PAWR: variants seen among roughly 807,000 people sequenced by gnomAD.
PAWR encodes PRKC apoptosis WT1 regulator protein.
A neutral mutation model predicts 32.0 loss-of-function variants in PAWR; 23 were observed. That is an observed-to-expected ratio of 0.72 (90% CI 0.52 to 1.02). The LOEUF is 1.02. PAWR is among the 50% of genes least tolerant of loss of function. The pLI, the probability that PAWR is intolerant of heterozygous loss-of-function variation, is 0.00. For synonymous variants in PAWR, 226 were observed against 187.1 expected (o/e 1.21, Z -1.70); for missense variants, 457 against 437.7 (o/e 1.04, Z -0.39).
chr12:79,613,989 T>A (rs1401644699), intron 3 of PAWR, among the ~76,000 whole-genome samples: 77 of 3,794 alleles, frequency 0.02, no homozygotes, highest in Non-Finnish European at 0.049. Flanking sequence ...ATTTTTTTTT[T>A]TTTTTTTTTT....
chr12:79,601,527 AT>A (rs756422253), intron 4 of PAWR, among the ~76,000 whole-genome samples: 18 of 152,262 alleles, frequency 1.2e-4, no homozygotes, highest in Non-Finnish European at 2.6e-4. Flanking sequence ...TTATGGAAGA[AT>A]TTAAACTAAA....
At chr12:79,654,098 G>C (rs1041055181) in intron 2 of PAWR, among the ~76,000 whole-genome samples, 1 of 152,160 alleles carries the variant, frequency 6.6e-6, no homozygotes, top group Non-Finnish European at 1.5e-5. Flanking sequence ...AAACATGAGA[G>C]AGGAAGATAA....
At position 79,677,022 on chromosome 12, in the gene PAWR, T is replaced by C. The variant is rs571651250; in HGVS notation, c.516+12707A>G. On this transcript the variant is annotated intron_variant, in intron 2 of 6. Coordinates refer to ENST00000328827, the MANE Select transcript of PAWR (RefSeq NM_002583.4). ...AGAATTGTCCTATATAATCTTGTTTTTCTGAGTTAGATTATAAAGTACTCA... is the reference window on the plus strand; with the variant it reads ...AGAATTGTCCTATATAATCTTGTTTCTCTGAGTTAGATTATAAAGTACTCA... 2.0e-5 allele frequency among the ~76,000 whole-genome samples: 3 copies of C among 152,340 alleles called. No homozygotes were observed. In the South Asian group the frequency reaches 6.2e-4, roughly 32 times the overall value.
In PAWR at chr12:79,690,360, G is replaced by A; in HGVS notation, c.-116C>T. On this transcript the variant is annotated 5_prime_UTR_variant, in exon 2 of 7. Transcript: ENST00000328827. Reference sequence around the variant, plus strand: ...GCCAGGAGACGACCTCCAGGAGAGGGACGGCCGCCGCTCCCACAGCAGCCG... The same window carrying A: ...GCCAGGAGACGACCTCCAGGAGAGGAACGGCCGCCGCTCCCACAGCAGCCG... The A allele has an allele frequency of 7.4e-7, 1 of 1,349,240 alleles. No individual in the cohort carries two copies. Among genetic ancestry groups the A allele is most frequent in the Non-Finnish European group, 9.5e-7 (1 of 1,055,094 alleles). 83.6% of individuals were successfully genotyped at this position (1,349,240 alleles called of 1,614,324 possible).
intron 2 of PAWR, among the ~76,000 whole-genome samples, chr12:79,632,935 A>G (rs1407341190): frequency 6.6e-6 from 1 of 151,878 alleles, no homozygotes; most frequent in Admixed American, 6.6e-5. Context: ...GGAGTTCGAG[A>G]CCAGCCTGGC....
intron 2 of PAWR, among the ~76,000 whole-genome samples, chr12:79,687,371 G>GT (rs1565708368): frequency 6.6e-6 from 1 of 152,078 alleles, no homozygotes. Flanking sequence ...CACAATAAAT[G>GT]TATCACACAG....
At position 79,648,039 on chromosome 12, in the gene PAWR, A is replaced by G. The variant is rs138137894; in HGVS notation, c.517-26832T>C. 2.1e-3 allele frequency among the ~76,000 whole-genome samples: 323 copies of G among 152,290 alleles called. 2 individuals carry two copies. Among genetic ancestry groups the G allele is most frequent in the African/African-American group, 7.6e-3 (315 of 41,560 alleles). On this transcript the variant is annotated intron_variant, in intron 2 of 6. Coordinates refer to ENST00000328827, the MANE Select transcript of PAWR (RefSeq NM_002583.4). The stretch of plus-strand genomic sequence containing the variant: ...CTTTGAGAATCTAATGCCCCTGCTG[A>G]TCTGACAGGAGGCAGAGCTCAGGCA...
intron 4 of PAWR, among the ~76,000 whole-genome samples, chr12:79,610,735 TAGAG>T (rs1367383726): frequency 7.3e-6 from 1 of 137,302 alleles, no homozygotes; most frequent in Non-Finnish European, 1.5e-5. Flanking sequence ...CTGGGCAACA[TAGAG>T]AGATTCTGTC....
chr12:79,671,961 G>T (rs917421553), intron 2 of PAWR, among the ~76,000 whole-genome samples: 1 of 152,158 alleles, frequency 6.6e-6, no homozygotes. Flanking sequence ...TGCACGAATA[G>T]CAGTGAAAAG....
At chr12:79,668,941 T>C (rs1047554927) in intron 2 of PAWR, among the ~76,000 whole-genome samples, 6 of 152,196 alleles carry the variant, frequency 3.9e-5, no homozygotes, top group African/African-American at 7.2e-5. Flanking sequence ...AATACAAACA[T>C]ATTTACACAC....
At chr12:79,688,795 A>G (rs1878814507) in intron 2 of PAWR, among the ~76,000 whole-genome samples, 2 of 152,250 alleles carry the variant, frequency 1.3e-5, no homozygotes, top group South Asian at 2.1e-4. Flanking sequence ...TAAACAGTCA[A>G]TGAGAAAAAG....
chr12:79,689,965 C>G lies in PAWR; in HGVS notation c.280G>C (p.Gly94Arg), dbSNP rs1878905015. Reference sequence around the variant, plus strand: ...GCCGCCCGCGTCAGCATGGCGGAGCCGACCGCGCAGTTCACGCCCCCGGGA... The same window carrying G: ...GCCGCCCGCGTCAGCATGGCGGAGCGGACCGCGCAGTTCACGCCCCCGGGA... ...PGPGGVNCAV[G>R]SAMLTRAAPG... The change falls in exon 2 of 7, where the codon GGC becomes CGC. Residue 94 changes from glycine (G) to arginine (R), a missense_variant. Coordinates refer to ENST00000328827, the MANE Select transcript of PAWR (RefSeq NM_002583.4). 2 of 1,373,552 alleles carry G rather than the reference C, an allele frequency of 1.5e-6. No individual in the cohort carries two copies. Among genetic ancestry groups the G allele is most frequent in the Middle Eastern group, 2.6e-4 (1 of 3,864 alleles). The allele number at this position is 1,373,552 out of a possible 1,614,324, so 85.1% of individuals were successfully genotyped here. A position where few individuals can be genotyped will look rare whatever the true frequency, so the allele number is the denominator to read the frequency against.
Position 79,585,209 on chromosome 12 carries a change from CA to C in PAWR, c.*7397del. 2.3e-6 allele frequency: 1 copy of C among 442,138 alleles called. No homozygotes were observed. The highest frequency in any genetic ancestry group is 4.5e-6 in the Non-Finnish European group (1 of 222,652). 27.4% of individuals were successfully genotyped at this position (442,138 alleles called of 1,614,324 possible). The stretch of plus-strand genomic sequence containing the variant: ...AAGTTCATGTTATTTCTACAATGTC[CA>C]AAAAGAAAGACCAAGATCTTTGCTT... On this transcript the variant is annotated 3_prime_UTR_variant, in exon 7 of 7. Coordinates refer to ENST00000328827, the MANE Select transcript of PAWR (RefSeq NM_002583.4).
At chr12:79,656,617 G>C (rs1877107374) in intron 2 of PAWR, among the ~76,000 whole-genome samples, 1 of 152,146 alleles carries the variant, frequency 6.6e-6, no homozygotes, top group Admixed American at 6.5e-5. Flanking sequence ...CCAATAGGCA[G>C]ACTAGCACAC....
intron 4 of PAWR, among the ~76,000 whole-genome samples, chr12:79,600,208 T>C (rs954588225): frequency 6.6e-6 from 1 of 152,176 alleles, no homozygotes; most frequent in Admixed American, 6.5e-5. Flanking sequence ...TTGTCATCAT[T>C]TGGTTTACTA....
intron 4 of PAWR, among the ~76,000 whole-genome samples, chr12:79,601,564 C>G (rs544333887): frequency 6.6e-6 from 1 of 152,200 alleles, no homozygotes; most frequent in African/African-American, 2.4e-5. Flanking sequence ...TTCATAATTA[C>G]ATACCCATGT....
chr12:79,613,046 C>T (rs915724421), intron 4 of PAWR, among the ~76,000 whole-genome samples: 12 of 152,120 alleles, frequency 7.9e-5, no homozygotes, highest in African/African-American at 2.9e-4. Flanking sequence ...GCGATTAGTT[C>T]CTTTATAAAG....
chr12:79,670,996 G>C (rs758384644), intron 2 of PAWR, among the ~76,000 whole-genome samples: 1 of 150,368 alleles, frequency 6.7e-6, no homozygotes, highest in African/African-American at 2.4e-5. Context: ...AGCTTAAAAA[G>C]GAAAAATATT....
At chr12:79,593,868 A>G (rs1424438910) in intron 6 of PAWR, among the ~76,000 whole-genome samples, 1 of 151,342 alleles carries the variant, frequency 6.6e-6, no homozygotes, top group Non-Finnish European at 1.5e-5. Context: ...ATGCCCAGCT[A>G]ATTTTTCATA....
Sources: gnomAD v4.1 joint callset for allele counts (sites outside exome capture counted in the v4.1 genomes callset) on GRCh38, gnomAD v4.1.1 for gene constraint, MANE v1.5 for transcripts, NCBI Gene and HGNC (gene_info 2026-07-23, HGNC 2026-07-21) for gene names.